Variants in DNAH11 observed in about 807,000 individuals in gnomAD.
DNAH11 encodes the protein dynein axonemal heavy chain 11.
In DNAH11, 442 loss-of-function variants were observed where a neutral mutation model predicts 526.0. That is an observed-to-expected ratio of 0.84 (90% confidence interval 0.78 to 0.91). The LOEUF is 0.91. DNAH11 is among the 40% of genes least tolerant of loss of function. DNAH11 has a pLI of 0.00. For missense variants in DNAH11, 6,989 were observed against 5,448.7 expected, an observed-to-expected ratio of 1.28 and a Z score of -8.90; for synonymous variants, 2,461 against 1,935.9, an observed-to-expected ratio of 1.27 and a Z score of -7.12.
At chr7:21,662,794 G>C (rs1782287105) in intron 30 of DNAH11, among the ~76,000 whole-genome samples, 1 of 151,946 alleles carries the variant, frequency 6.6e-6, no homozygotes, top group African/African-American at 2.4e-5. Context: ...CTATTTTGCT[G>C]TTTATGTAAA....
intron 28 of DNAH11, among the ~76,000 whole-genome samples, chr7:21,641,666 G>A (rs1481090706): frequency 6.6e-6 from 1 of 152,150 alleles, no homozygotes; most frequent in South Asian, 2.1e-4. Flanking sequence ...GATGCCAGTT[G>A]ATTTTTCAGA....
chr7:21,841,178 T>G (rs1209502411), intron 65 of DNAH11, among the ~76,000 whole-genome samples: 2 of 152,140 alleles, frequency 1.3e-5, no homozygotes, highest in Non-Finnish European at 2.9e-5. Context: ...AGTGAGACAC[T>G]GTCACACACA....
intron 45 of DNAH11, among the ~76,000 whole-genome samples, chr7:21,727,180 A>T (rs956642109): frequency 5.9e-5 from 9 of 151,760 alleles, no homozygotes; most frequent in African/African-American, 1.9e-4. Context: ...TGATCCGCCC[A>T]CCTCGGCCTC....
intron 2 of DNAH11, among the ~76,000 whole-genome samples, chr7:21,547,426 G>T (rs1444768428): frequency 6.6e-6 from 1 of 152,200 alleles, no homozygotes. Context: ...TGTTTAGTAG[G>T]CAGGCACACC....
At chr7:21,667,428 G>C (rs921042794) in intron 30 of DNAH11, among the ~76,000 whole-genome samples, 3 of 152,128 alleles carry the variant, frequency 2.0e-5, no homozygotes, top group African/African-American at 7.2e-5. Flanking sequence ...TTCATAATTT[G>C]TAAGTGAATA....
In DNAH11 at chr7:21,570,261, A is replaced by G. The variant is rs1201700200; in HGVS notation, c.1387A>G (p.Arg463Gly). ...TTTCCAGTCTCATCTGGTGTTTTGCAGATTTGACAAGTTTCTTGATCGTTT... is the reference window on the plus strand; with the variant it reads ...TTTCCAGTCTCATCTGGTGTTTTGCGGATTTGACAAGTTTCTTGATCGTTT... ...WDFQSHLVFCRFDKFLDRLIK... is the reference protein window; with the variant it reads ...WDFQSHLVFCGFDKFLDRLIK... The change falls in exon 7 of 82, where the codon AGA becomes GGA. Residue 463 changes from arginine (R) to glycine (G), a missense_variant. Arg to Gly is a moderately radical substitution (Grantham distance 125, BLOSUM62 -2). Transcript: ENST00000409508. 2.5e-6 allele frequency: 4 copies of G among 1,610,138 alleles called. No individual in the cohort carries two copies. The highest frequency in any genetic ancestry group is 1.1e-5 in the South Asian group (1 of 89,950).
Position 21,866,588 on chromosome 7 carries a change from GGAA to G in DNAH11, c.11622_11624del (p.Lys3875del). On this transcript the variant is annotated inframe_deletion, in exon 71 of 82. Transcript: ENST00000409508. ...GAAAAAGAAAAATTACCTCAAGAAT[GGAA>G]GAAGAAAAGTTTAATACAGAAGCTG... The G allele has an allele frequency of 6.2e-7, 1 of 1,613,910 alleles. No individual in the cohort carries two copies. The highest frequency in any genetic ancestry group is 8.5e-7 in the Non-Finnish European group (1 of 1,179,854).
At chr7:21,596,200 C>T (rs971991201) in intron 14 of DNAH11, among the ~76,000 whole-genome samples, 1 of 152,132 alleles carries the variant, frequency 6.6e-6, no homozygotes, top group Non-Finnish European at 1.5e-5. Context: ...CCTGGAATAG[C>T]GTCCCAAGGC....
intron 63 of DNAH11, among the ~76,000 whole-genome samples, chr7:21,809,148 T>C (rs772895540): frequency 6.6e-6 from 1 of 152,256 alleles, no homozygotes; most frequent in Non-Finnish European, 1.5e-5. Context: ...TTGAGCATTT[T>C]TTCATGTTAC....
At chr7:21,779,567 T>C (rs1269797236) in intron 57 of DNAH11, among the ~76,000 whole-genome samples, 2 of 152,230 alleles carry the variant, frequency 1.3e-5, no homozygotes, top group Admixed American at 6.5e-5. Flanking sequence ...AAATTTGTTC[T>C]TTTTGATTCG....
intron 62 of DNAH11, among the ~76,000 whole-genome samples, chr7:21,803,056 T>C (rs1177416162): frequency 6.6e-6 from 1 of 151,886 alleles, no homozygotes; most frequent in Admixed American, 6.6e-5. Context: ...AAGTATAAAG[T>C]CTGTAACTAC....
chr7:21,721,501 G>T (rs1371304976), intron 44 of DNAH11, among the ~76,000 whole-genome samples: 1 of 152,072 alleles, frequency 6.6e-6, no homozygotes, highest in Non-Finnish European at 1.5e-5. Context: ...TCACAGTTCT[G>T]GGGACCAAAA....
intron 26 of DNAH11, among the ~76,000 whole-genome samples, 152 bp downstream of exon 26, chr7:21,636,247 A>G (rs1786858318): frequency 1.3e-5 from 2 of 152,230 alleles, no homozygotes; most frequent in Admixed American, 6.5e-5. Flanking sequence ...TAAATATTTC[A>G]GGCTGTGTGG....
At chr7:21,563,411 C>A (rs1783542537) in intron 5 of DNAH11, among the ~76,000 whole-genome samples, 1 of 151,950 alleles carries the variant, frequency 6.6e-6, no homozygotes. Context: ...GTCTTGCTAT[C>A]TTTCCCAGGC....
intron 36 of DNAH11, among the ~76,000 whole-genome samples, chr7:21,699,310 A>G (rs17333050): frequency 0.041 from 6,290 of 152,242 alleles, 188 homozygotes; most frequent in Non-Finnish European, 0.063. Context: ...CTACTCTCCA[A>G]TCATAAGCTT....
Position 21,606,758 on chromosome 7 carries a change from TG to T in DNAH11, c.3852+26del, listed in dbSNP as rs1785304370. ...GGTAATACAGATCTCAAATATCCTG[TG>T]TGCATTAAAATAGCTACTTTAAAAA... On this transcript the variant is annotated intron_variant, in intron 20 of 81. Coordinates refer to ENST00000409508, the MANE Select transcript of DNAH11 (RefSeq NM_001277115.2). 4.5e-6 allele frequency: 7 copies of T among 1,565,848 alleles called. No individual in the cohort carries two copies. The Admixed American group carries it at 1.1e-4, about 24-fold the overall frequency.
chr7:21,597,653 C>T (rs958749473), intron 14 of DNAH11, among the ~76,000 whole-genome samples: 3 of 152,010 alleles, frequency 2.0e-5, no homozygotes, highest in Admixed American at 6.6e-5. Context: ...GAACAGCAAG[C>T]GGGGGGTTGG....
At chr7:21,595,590 G>A (rs1347470349) in intron 14 of DNAH11, among the ~76,000 whole-genome samples, 1 of 152,176 alleles carries the variant, frequency 6.6e-6, no homozygotes, top group South Asian at 2.1e-4. Context: ...TATTCAGATG[G>A]GGAAGGGTAT....
At chr7:21,821,291 T>G (rs1487402969) in intron 65 of DNAH11, among the ~76,000 whole-genome samples, 1 of 152,082 alleles carries the variant, frequency 6.6e-6, no homozygotes, top group African/African-American at 2.4e-5. Context: ...TAAAAAGCAG[T>G]TGGATATCTG....
Sources: gnomAD v4.1 joint callset for allele counts (sites outside exome capture counted in the v4.1 genomes callset) on GRCh38, gnomAD v4.1.1 for gene constraint, MANE v1.5 for transcripts, NCBI Gene and HGNC (gene_info 2026-07-23, HGNC 2026-07-21) for gene names.